Variants in SHISA9 observed in about 807,000 individuals in gnomAD.
SHISA9 encodes shisa family member 9, also known as protein shisa-9.
SHISA9 carries 13 observed loss-of-function variants against 38.0 expected under a neutral mutation model. That is an observed-to-expected ratio of 0.34 (90% CI 0.22 to 0.54). The LOEUF is 0.54. Ranked by LOEUF, SHISA9 falls within the 20% of genes least tolerant of loss-of-function variation. SHISA9 has a pLI of 0.91. For synonymous variants in SHISA9, 275 were observed against 242.0 expected (o/e 1.14, Z -1.27); for missense variants, 538 against 575.8 (o/e 0.93, Z 0.67).
At chr16:13,020,681 T>C (rs975259042) in intron 2 of SHISA9, among the ~76,000 whole-genome samples, 1 of 152,254 alleles carries the variant, frequency 6.6e-6, no homozygotes, top group Non-Finnish European at 1.5e-5. Context: ...TCAAGATGTA[T>C]TGAGAAGGAC....
intron 2 of SHISA9, among the ~76,000 whole-genome samples, chr16:13,171,481 AGGGGGCGGGGGT>A (rs1476316141): frequency 2.5e-5 from 2 of 80,242 alleles, no homozygotes; most frequent in South Asian, 4.3e-4. Flanking sequence ...TTGATACAGC[AGGGGGCGGGGGT>A]GGGGGCGGGA....
chr16:13,294,956 C>T, the SHISA9 span, among the ~76,000 whole-genome samples: 1 of 152,146 alleles, frequency 6.6e-6, no homozygotes, highest in African/African-American at 2.4e-5. Flanking sequence ...ACTCCACTTA[C>T]ATTAATTCAT....
intron 1 of SHISA9, chr16:12,910,621 T>C (rs544379281): frequency 7.1e-6 from 7 of 985,370 alleles, no homozygotes; most frequent in Non-Finnish European, 8.4e-6. Context: ...AACATAATTA[T>C]GTTTCAACAT....
At chr16:13,003,122 A>C (rs1400584487) in intron 2 of SHISA9, among the ~76,000 whole-genome samples, 3 of 152,166 alleles carry the variant, frequency 2.0e-5, no homozygotes, top group Non-Finnish European at 4.4e-5. Context: ...TTTCAGGAGA[A>C]AGAAGGCCAG....
At chr16:13,296,891 C>CAAAAA in the SHISA9 span, among the ~76,000 whole-genome samples, 179 of 26,634 alleles carry the variant, frequency 6.7e-3, no homozygotes, top group East Asian at 0.013. Context: ...AACTCCATCT[C>CAAAAA]AAAAAAAAAA....
chr16:12,996,569 C>T (rs1039711214), intron 2 of SHISA9, among the ~76,000 whole-genome samples: 5 of 152,134 alleles, frequency 3.3e-5, no homozygotes, highest in African/African-American at 7.2e-5. Flanking sequence ...CAATTCATAT[C>T]GTAGTCTGGA....
downstream of SHISA9, among the ~76,000 whole-genome samples, chr16:13,241,340 T>G (rs1443662648): frequency 2.0e-5 from 3 of 152,136 alleles, no homozygotes; most frequent in South Asian, 6.2e-4. Flanking sequence ...AACCCCATCT[T>G]TATTAAAAAT....
At chr16:13,196,103 A>AC (rs1311782710) in intron 2 of SHISA9, among the ~76,000 whole-genome samples, 3 of 142,300 alleles carry the variant, frequency 2.1e-5, no homozygotes, top group Non-Finnish European at 4.6e-5. Flanking sequence ...AAAAAAAAAA[A>AC]AAAAAAAAAA....
chr16:13,312,490 C>A, the SHISA9 span, among the ~76,000 whole-genome samples: 1 of 152,264 alleles, frequency 6.6e-6, no homozygotes, highest in South Asian at 2.1e-4. Context: ...ATGCTAAGAG[C>A]CTTAAAACTG....
intron 2 of SHISA9, among the ~76,000 whole-genome samples, chr16:13,151,456 A>G (rs2050498766): frequency 6.6e-6 from 1 of 152,022 alleles, no homozygotes; most frequent in African/African-American, 2.4e-5. Flanking sequence ...CTGAACAACA[A>G]CCAGCTCACC....
At chr16:13,391,520 C>T in the SHISA9 span, among the ~76,000 whole-genome samples, 112 of 152,330 alleles carry the variant, frequency 7.4e-4, 1 homozygote, top group African/African-American at 2.6e-3. Flanking sequence ...GTGCCATCTG[C>T]AGTCAATATG....
chr16:13,156,768 C>T (rs1290693763), intron 2 of SHISA9, among the ~76,000 whole-genome samples: 5 of 150,912 alleles, frequency 3.3e-5, no homozygotes, highest in Non-Finnish European at 7.4e-5. Context: ...CTTCCTTGCA[C>T]AACTGTGCAG....
At chr16:13,215,974 G>A (rs2051164059) in intron 4 of SHISA9, among the ~76,000 whole-genome samples, 1 of 152,072 alleles carries the variant, frequency 6.6e-6, no homozygotes, top group Non-Finnish European at 1.5e-5. Flanking sequence ...ATCACCTGAG[G>A]TCAGGAGTTT....
At chr16:13,437,978 G>A in the SHISA9 span, among the ~76,000 whole-genome samples, 9 of 133,942 alleles carry the variant, frequency 6.7e-5, no homozygotes, top group African/African-American at 1.0e-4. Flanking sequence ...CCATTTTCCC[G>A]TCTCAGCCTC....
the SHISA9 span, among the ~76,000 whole-genome samples, chr16:13,494,566 G>A: frequency 6.6e-6 from 1 of 151,916 alleles, no homozygotes; most frequent in Non-Finnish European, 1.5e-5. Context: ...AATTCGTTAT[G>A]AGAAAGAGAA....
the SHISA9 span, among the ~76,000 whole-genome samples, chr16:13,357,532 G>T: frequency 6.6e-6 from 1 of 152,088 alleles, no homozygotes; most frequent in Non-Finnish European, 1.5e-5. Context: ...CAGGGGATTG[G>T]TCTCCTAAGG....
intron 2 of SHISA9, among the ~76,000 whole-genome samples, chr16:13,012,009 A>C (rs144360592): frequency 0.011 from 1,687 of 151,350 alleles, 18 homozygotes; most frequent in Admixed American, 0.02. Flanking sequence ...TATTTTTCGT[A>C]GAGGCAGGGT....
At chr16:13,352,781 G>A in the SHISA9 span, among the ~76,000 whole-genome samples, 1 of 149,752 alleles carries the variant, frequency 6.7e-6, no homozygotes, top group Non-Finnish European at 1.5e-5. Flanking sequence ...TCTCTGGCGG[G>A]CAGGAGTGGG....
the SHISA9 span, among the ~76,000 whole-genome samples, chr16:13,492,148 C>T: frequency 1.3e-5 from 2 of 152,004 alleles, no homozygotes; most frequent in African/African-American, 2.4e-5. Flanking sequence ...GTTCCGGTGT[C>T]ACCATGATAA....
Sources: allele counts gnomAD v4.1 joint callset (sites outside exome capture counted in the v4.1 genomes callset), GRCh38; gene constraint gnomAD v4.1.1; transcripts MANE v1.5; gene names NCBI Gene and HGNC (gene_info 2026-07-23, HGNC 2026-07-21).